Variants in PPP1R1C observed in about 807,000 individuals in gnomAD.
PPP1R1C encodes the protein protein phosphatase 1 regulatory inhibitor subunit 1C.
Under a neutral mutation model 17.4 loss-of-function variants are expected in PPP1R1C, and 15 were observed. The observed-to-expected ratio is 0.86, with a 90% CI of 0.58 to 1.33. The LOEUF (loss-of-function observed/expected upper bound fraction) is 1.33, where lower values mean the gene tolerates loss of function less well. Among genes scored for constraint, PPP1R1C ranks in the 40% most tolerant of loss-of-function variants. PPP1R1C has a pLI of 0.00. For synonymous variants in PPP1R1C, 35 were observed against 43.1 expected, an observed-to-expected ratio of 0.81 and a Z score of 0.73; for missense variants, 143 against 130.0, an observed-to-expected ratio of 1.10 and a Z score of -0.48.
chr2:182,029,367 T>A (rs1210769445), intron 2 of PPP1R1C, among the ~76,000 whole-genome samples: 2 of 152,208 alleles, frequency 1.3e-5, no homozygotes, highest in Non-Finnish European at 1.5e-5. Flanking sequence ...TTCCTTTCCA[T>A]GTTTAGCACT....
At chr2:182,112,082 A>G (rs1047047378) in intron 4 of PPP1R1C, among the ~76,000 whole-genome samples, 16 of 152,154 alleles carry the variant, frequency 1.1e-4, no homozygotes, top group African/African-American at 3.9e-4. Flanking sequence ...GCGCTTCTTC[A>G]CTGAATTAGC....
chr2:182,023,688 A>G (rs1686502755), intron 2 of PPP1R1C: 2 of 152,220 alleles, frequency 1.3e-5, no homozygotes, highest in South Asian at 2.1e-4. Flanking sequence ...TGGCACAACC[A>G]TAACTCACTG....
intron 4 of PPP1R1C, among the ~76,000 whole-genome samples, chr2:182,087,244 A>G (rs1688654121): frequency 6.6e-6 from 1 of 152,210 alleles, no homozygotes; most frequent in African/African-American, 2.4e-5. Flanking sequence ...GATTCTTTAT[A>G]GTCCTCGTAA....
chr2:181,975,442 A>G (rs1240363237), intron 2 of PPP1R1C, among the ~76,000 whole-genome samples: 1 of 151,980 alleles, frequency 6.6e-6, no homozygotes, highest in Non-Finnish European at 1.5e-5. Context: ...ATGGAGCTTC[A>G]TCTTCGACTG....
chr2:181,960,050 A>C (rs1035906873), intron 1 of PPP1R1C, among the ~76,000 whole-genome samples: 2 of 152,242 alleles, frequency 1.3e-5, no homozygotes, highest in African/African-American at 4.8e-5. Flanking sequence ...ACAAAATAAA[A>C]GGTAAATATT....
chr2:182,067,847 G>A (rs1428730302), intron 4 of PPP1R1C, among the ~76,000 whole-genome samples: 1 of 152,096 alleles, frequency 6.6e-6, no homozygotes, highest in Non-Finnish European at 1.5e-5. Flanking sequence ...CTTGGAAACA[G>A]AGTTTATTAG....
chr2:182,057,634 T>A (rs1687725530), intron 2 of PPP1R1C, among the ~76,000 whole-genome samples: 1 of 152,178 alleles, frequency 6.6e-6, no homozygotes, highest in Non-Finnish European at 1.5e-5. Context: ...CCCCATTTTT[T>A]CCTCTAACAC....
intron 4 of PPP1R1C, among the ~76,000 whole-genome samples, chr2:182,070,514 A>G (rs1688109971): frequency 6.6e-6 from 1 of 152,174 alleles, no homozygotes; most frequent in South Asian, 2.1e-4. Context: ...CCCAACCAAA[A>G]TTACATGTTT....
chr2:181,977,036 C>G (rs1685103409), intron 2 of PPP1R1C, among the ~76,000 whole-genome samples: 1 of 146,050 alleles, frequency 6.8e-6, no homozygotes, highest in Non-Finnish European at 1.5e-5. Context: ...TACCTGGAGG[C>G]TGAGGCATGA....
rs557061978 is a variant in PPP1R1C at position 182,078,032 on chromosome 2, T to C, written c.241+14241T>C. Among the ~76,000 whole-genome samples, 5 of 151,978 alleles carry C rather than the reference T, an allele frequency of 3.3e-5. No homozygotes were observed. The South Asian group carries it at 1.0e-3, about 32-fold the overall frequency. On this transcript the variant is annotated intron_variant, in intron 4 of 4. Coordinates refer to ENST00000682840, the MANE Select transcript of PPP1R1C (RefSeq NM_001080545.3). ...ATCTCTACTTGAAAATGCAAAAAAATTAGCCGGGTGTGTGGCGCACACCTG... is the reference window on the plus strand; with the variant it reads ...ATCTCTACTTGAAAATGCAAAAAAACTAGCCGGGTGTGTGGCGCACACCTG...
chr2:182,058,186 G>A (rs1687746010), intron 2 of PPP1R1C, among the ~76,000 whole-genome samples: 1 of 151,820 alleles, frequency 6.6e-6, no homozygotes, highest in Non-Finnish European at 1.5e-5. Flanking sequence ...TAATTGTCAT[G>A]TCTCCTTAGG....
intron 1 of PPP1R1C, among the ~76,000 whole-genome samples, chr2:181,974,995 A>G (rs979322594): frequency 3.9e-5 from 6 of 152,202 alleles, no homozygotes; most frequent in Non-Finnish European, 8.8e-5. Context: ...AAAGGAGTCC[A>G]CTAAAATTCT....
Position 182,067,749 on chromosome 2 carries a change from C to T in PPP1R1C, c.241+3958C>T, listed in dbSNP as rs554957797. 3.3e-5 allele frequency among the ~76,000 whole-genome samples: 5 copies of T among 152,174 alleles called. 1 individual carries two copies. The highest frequency in any genetic ancestry group is 1.9e-4 in the East Asian group (1 of 5,174). ...TAGAAATGAAGATTATGACCCAAGACGCACAGTTAAGGCAAGCCACATATG... is the reference window on the plus strand; with the variant it reads ...TAGAAATGAAGATTATGACCCAAGATGCACAGTTAAGGCAAGCCACATATG... On this transcript the variant is annotated intron_variant, in intron 4 of 4. Coordinates refer to ENST00000682840, the MANE Select transcript of PPP1R1C (RefSeq NM_001080545.3).
At chr2:181,988,673 G>C (rs1401496260) in intron 2 of PPP1R1C, among the ~76,000 whole-genome samples, 2 of 152,198 alleles carry the variant, frequency 1.3e-5, no homozygotes, top group South Asian at 2.1e-4. Flanking sequence ...AACAATAATG[G>C]GTGGACAAAA....
At chr2:182,034,848 A>G (rs932090686) in intron 2 of PPP1R1C, among the ~76,000 whole-genome samples, 4 of 152,242 alleles carry the variant, frequency 2.6e-5, no homozygotes, top group Admixed American at 2.0e-4. Flanking sequence ...CAAAATCAGC[A>G]AATGTTCACA....
chr2:181,954,680 A>G (rs967880330), intron 1 of PPP1R1C: 3 of 152,120 alleles, frequency 2.0e-5, no homozygotes, highest in African/African-American at 4.8e-5. Context: ...AGACTTCCCC[A>G]TTATATTTTT....
chr2:182,115,469 A>T (rs2125236881), intron 4 of PPP1R1C, among the ~76,000 whole-genome samples: 1 of 152,190 alleles, frequency 6.6e-6, no homozygotes, highest in African/African-American at 2.4e-5. Flanking sequence ...TCTAAGTCTA[A>T]ATTTTACTAG....
Position 181,985,971 on chromosome 2 carries a change from C to A in PPP1R1C, c.-140C>A. 1 of 693,788 alleles carries A rather than the reference C, an allele frequency of 1.4e-6. No individual in the cohort carries two copies. Among genetic ancestry groups the A allele is most frequent in the Non-Finnish European group, 2.5e-6 (1 of 393,118 alleles). 43.0% of individuals were successfully genotyped at this position (693,788 alleles called of 1,614,324 possible). On this transcript the variant is annotated 5_prime_UTR_variant, in exon 1 of 5. Transcript: ENST00000682840. The surrounding 1 kb of genome is among the most constrained non-coding windows in gnomAD (Gnocchi z 4.1). Reference sequence around the variant, plus strand: ...ACTCAAACCTCGGCATCTTCACTTGCTCGATCTGGAATTACAGCTATTTAT... The same window carrying A: ...ACTCAAACCTCGGCATCTTCACTTGATCGATCTGGAATTACAGCTATTTAT...
intron 2 of PPP1R1C, among the ~76,000 whole-genome samples, chr2:181,990,589 T>G (rs1197374044): frequency 6.6e-6 from 1 of 152,246 alleles, no homozygotes; most frequent in African/African-American, 2.4e-5. Flanking sequence ...CATTAACTGA[T>G]GTGTTCGGGA....
Sources: allele counts gnomAD v4.1 joint callset (sites outside exome capture counted in the v4.1 genomes callset), GRCh38; gene constraint gnomAD v4.1.1; non-coding constraint Gnocchi (gnomAD v3.1); transcripts MANE v1.5; gene names NCBI Gene and HGNC (gene_info 2026-07-23, HGNC 2026-07-21).